Variants in SLC2A9 observed in about 807,000 individuals in gnomAD.
SLC2A9 encodes the protein solute carrier family 2, facilitated glucose transporter member 9.
A neutral mutation model predicts 50.6 loss-of-function variants in SLC2A9; 39 were observed. That is an observed-to-expected ratio of 0.77 (90% CI 0.60 to 1.01). SLC2A9 has a LOEUF of 1.01. SLC2A9 is among the 50% of genes least tolerant of loss of function. The pLI is 0.00. For synonymous variants in SLC2A9, 324 were observed against 276.9 expected (o/e 1.17, Z -1.69); for missense variants, 686 against 677.6 (o/e 1.01, Z -0.14).
chr4:9,779,400 C>T (rs1718016826), downstream of SLC2A9, among the ~76,000 whole-genome samples: 3 of 151,394 alleles, frequency 2.0e-5, no homozygotes, highest in Non-Finnish European at 2.9e-5. Context: ...GGGTTAAAGT[C>T]TATCTAGACT....
At chr4:9,997,941 A>G (rs762121142) in intron 2 of SLC2A9, among the ~76,000 whole-genome samples, 1 of 152,202 alleles carries the variant, frequency 6.6e-6, no homozygotes, top group Non-Finnish European at 1.5e-5. Flanking sequence ...GAACTCTAAC[A>G]TGTCAAAAAG....
Position 9,980,641 on chromosome 4 carries a change from A to G in SLC2A9, c.632T>C (p.Ile211Thr), listed in dbSNP as rs1755571972. 1.2e-6 allele frequency: 2 copies of G among 1,614,054 alleles called. No homozygotes were observed. The highest frequency in any genetic ancestry group is 3.3e-5 in the Admixed American group (2 of 60,012). The stretch of plus-strand genomic sequence containing the variant: ...CAGAAGCTGCCCAGTGAACACGCCA[A>G]TGCAGATAAAGATGGCAGTCACCTG... The part of the protein sequence containing the change: ...LGQVTAIFIC[I>T]GVFTGQLLGL... Residue 211 changes from isoleucine (I) to threonine (T), a missense_variant, in exon 5 of 12, where the codon ATT becomes ACT. Ile to Thr is a moderately conservative substitution (Grantham distance 89). Coordinates refer to ENST00000264784, the MANE Select transcript of SLC2A9 (RefSeq NM_020041.3).
chr4:9,995,528 G>A (rs1758494479), intron 3 of SLC2A9: 1 of 152,154 alleles, frequency 6.6e-6, no homozygotes, highest in East Asian at 1.9e-4. Context: ...TCTTAATCGG[G>A]TTTCTGTAAT....
At chr4:9,946,729 G>A (rs562684703) in intron 5 of SLC2A9, among the ~76,000 whole-genome samples, 1 of 152,318 alleles carries the variant, frequency 6.6e-6, no homozygotes, top group African/African-American at 2.4e-5. Flanking sequence ...GTAACCTTGT[G>A]TTACATAAGA....
At chr4:9,797,181 G>A (rs1720697168), downstream of SLC2A9, among the ~76,000 whole-genome samples, 1 of 152,160 alleles carries the variant, frequency 6.6e-6, no homozygotes, top group Non-Finnish European at 1.5e-5. Context: ...ACTACAGACT[G>A]TGGTCACTGC....
At chr4:10,003,061 G>T (rs756208050) in intron 2 of SLC2A9, among the ~76,000 whole-genome samples, 4 of 152,180 alleles carry the variant, frequency 2.6e-5, no homozygotes, top group Non-Finnish European at 5.9e-5. Context: ...CTGCAAGTAT[G>T]TACAGAGTAA....
upstream of SLC2A9, among the ~76,000 whole-genome samples, chr4:10,021,759 C>A (rs1387272120): frequency 6.6e-6 from 1 of 151,672 alleles, no homozygotes; most frequent in Admixed American, 6.6e-5. Flanking sequence ...ACCTAGGATA[C>A]CTCCCTAATG....
At position 9,783,589 on chromosome 4, in the gene SLC2A9, G is replaced by C. The variant is rs181467183; in HGVS notation, n.386-3524C>G. On this transcript the variant is annotated intron_variant and non_coding_transcript_variant, in intron 3 of 3. Transcript: ENST00000503803. ...ATCATGTGTTTCTGTGTAGTAGCTCGTGTGCTTAGAAACCTCACCCCATTG... is the reference window on the plus strand; with the variant it reads ...ATCATGTGTTTCTGTGTAGTAGCTCCTGTGCTTAGAAACCTCACCCCATTG... 3,385 of 934,762 alleles carry C rather than the reference G, an allele frequency of 3.6e-3. 9 individuals carry two copies. The highest frequency in any genetic ancestry group is 3.5e-3 in the Non-Finnish European group (2,178 of 630,662). 57.9% of individuals were successfully genotyped at this position (934,762 alleles called of 1,614,324 possible).
intron 7 of SLC2A9, among the ~76,000 whole-genome samples, chr4:9,913,303 T>TGTG (rs1742189551): frequency 7.0e-6 from 1 of 142,118 alleles, no homozygotes. Context: ...TCCTGTGTGT[T>TGTG]TGTGTGTGTG....
intron 2 of SLC2A9, among the ~76,000 whole-genome samples, chr4:10,007,941 A>C (rs1374737694): frequency 2.6e-5 from 4 of 152,226 alleles, no homozygotes; most frequent in African/African-American, 9.6e-5. Context: ...TGATGTCAGC[A>C]TACAGCAGGT....
At chr4:10,016,868 T>C (rs1373919799) in intron 2 of SLC2A9, among the ~76,000 whole-genome samples, 3 of 151,934 alleles carry the variant, frequency 2.0e-5, no homozygotes, top group Admixed American at 6.5e-5. Context: ...ACTAAAATCC[T>C]ACTCCTCAGC....
At chr4:9,825,228 T>C (rs1413469755), downstream of SLC2A9, among the ~76,000 whole-genome samples, 1 of 152,206 alleles carries the variant, frequency 6.6e-6, no homozygotes, top group African/African-American at 2.4e-5. Flanking sequence ...AAGCCACACA[T>C]TACGATGGCA....
chr4:9,826,859 A>C (rs1226376835), intron 11 of SLC2A9, among the ~76,000 whole-genome samples: 1 of 152,206 alleles, frequency 6.6e-6, no homozygotes, highest in Non-Finnish European at 1.5e-5. Context: ...CAAATTTGGC[A>C]TTTAAAAATT....
intron 7 of SLC2A9, among the ~76,000 whole-genome samples, chr4:9,910,494 C>T (rs1741527217): frequency 6.6e-6 from 1 of 152,236 alleles, no homozygotes; most frequent in African/African-American, 2.4e-5. Context: ...GCCAAATTCA[C>T]TGATTTTCAA....
intron 3 of SLC2A9, among the ~76,000 whole-genome samples, chr4:9,781,211 C>T (rs1718309966): frequency 6.6e-6 from 1 of 152,144 alleles, no homozygotes; most frequent in African/African-American, 2.4e-5. Flanking sequence ...AGAAGGAAAC[C>T]AAGGCCGGGT....
intron 11 of SLC2A9, among the ~76,000 whole-genome samples, chr4:9,832,675 T>G (rs1467649153): frequency 2.6e-5 from 4 of 152,188 alleles, no homozygotes; most frequent in African/African-American, 9.7e-5. Flanking sequence ...AAAGAATTGA[T>G]TCCAGTTTTT....
intron 8 of SLC2A9, among the ~76,000 whole-genome samples, chr4:9,895,104 A>T (rs1478604582): frequency 6.6e-6 from 1 of 152,228 alleles, no homozygotes; most frequent in Non-Finnish European, 1.5e-5. Context: ...GTTGAGAACC[A>T]TTATCTTACA....
rs567441087 is a variant in SLC2A9 at position 9,935,224 on chromosome 4, A to C, written c.814+6689T>G. Among the ~76,000 whole-genome samples, 30 of 152,304 alleles carry C rather than the reference A, an allele frequency of 2.0e-4. No individual in the cohort carries two copies. The East Asian group carries it at 4.6e-3, about 24-fold the overall frequency. On this transcript the variant is annotated intron_variant, in intron 6 of 11. Coordinates refer to ENST00000264784, the MANE Select transcript of SLC2A9 (RefSeq NM_020041.3). ...TATTTCTGGTTCTAGATCCTTGAGG[A>C]ATCACCACACTGCCTTCCTCAATGG...
intron 8 of SLC2A9, among the ~76,000 whole-genome samples, chr4:9,900,815 G>A (rs1739461778): frequency 1.3e-5 from 2 of 152,060 alleles, no homozygotes; most frequent in Admixed American, 1.3e-4. Context: ...CAGTGAAGGG[G>A]GAAGTCCCTT....
Sources: allele counts gnomAD v4.1 joint callset (sites outside exome capture counted in the v4.1 genomes callset), GRCh38; gene constraint gnomAD v4.1.1; transcripts MANE v1.5; gene names NCBI Gene and HGNC (gene_info 2026-07-23, HGNC 2026-07-21).